The following TTC28 variants were observed in gnomAD, a reference collection of about 807,000 sequenced individuals.
TTC28 encodes the protein tetratricopeptide repeat domain 28.
In TTC28, 61 loss-of-function variants were observed where a neutral mutation model predicts 198.0. The ratio of observed to expected loss-of-function variants is 0.31; its 90% confidence interval spans 0.25 to 0.38. The LOEUF is 0.38. Ranked by LOEUF, TTC28 falls within the 10% of genes least tolerant of loss-of-function variation. TTC28 has a pLI of 1.00. For synonymous variants in TTC28, 1,171 were observed against 1,297.8 expected (o/e 0.90, Z 2.10); for missense variants, 2,678 against 3,164.0 (o/e 0.85, Z 3.69).
intron 5 of TTC28, among the ~76,000 whole-genome samples, chr22:28,206,908 C>T (rs927204293): frequency 6.6e-6 from 1 of 152,076 alleles, no homozygotes; most frequent in African/African-American, 2.4e-5. Flanking sequence ...GTACCTACTC[C>T]GGACGGAATC....
intron 1 of TTC28, among the ~76,000 whole-genome samples, chr22:28,677,421 T>C (rs1421349080): frequency 2.0e-5 from 3 of 151,598 alleles, no homozygotes; most frequent in South Asian, 2.1e-4. Flanking sequence ...ACGAGGCAGG[T>C]GGATCACCAG....
chr22:28,599,744 T>C (rs1207016458), intron 2 of TTC28, among the ~76,000 whole-genome samples: 1 of 152,110 alleles, frequency 6.6e-6, no homozygotes, highest in East Asian at 1.9e-4. Flanking sequence ...CAGTTATGAG[T>C]ATGATGAGGT....
intron 5 of TTC28, among the ~76,000 whole-genome samples, chr22:28,238,138 T>C (rs1929385383): frequency 6.6e-6 from 1 of 152,190 alleles, no homozygotes; most frequent in African/African-American, 2.4e-5. Context: ...TATGTAAATT[T>C]CATATTAGGA....
chr22:28,094,106 G>T lies in TTC28; in HGVS notation c.3906C>A (p.Ala1302=). ...TTGAGTAGTGAGACTCCACCCCCAGGGCCTCCCGGACACTGGCAATGTGCT... is the reference window on the plus strand; with the variant it reads ...TTGAGTAGTGAGACTCCACCCCCAGTGCCTCCCGGACACTGGCAATGTGCT... The part of the protein sequence containing the change: ...LEQHIASVRE[A]LGVESHYSRA... The change falls in exon 12 of 23, where the codon GCC becomes GCA. Residue 1302 remains alanine (A), a synonymous_variant. Transcript: ENST00000397906. 6.5e-7 allele frequency: 1 copy of T among 1,549,934 alleles called. No homozygotes were observed. Among genetic ancestry groups the T allele is most frequent in the South Asian group, 1.2e-5 (1 of 83,720 alleles).
At chr22:28,405,982 TAC>T (rs1391153322) in intron 2 of TTC28, among the ~76,000 whole-genome samples, 8 of 152,272 alleles carry the variant, frequency 5.3e-5, no homozygotes, top group African/African-American at 1.7e-4. Flanking sequence ...GCTGCTGCTA[TAC>T]ACTGTCACTT....
chr22:28,249,022 G>A (rs184197771), intron 5 of TTC28, among the ~76,000 whole-genome samples: 103 of 152,124 alleles, frequency 6.8e-4, no homozygotes, highest in Non-Finnish European at 1.1e-3. Context: ...CAAATCCCTC[G>A]ATTTGTACTG....
chr22:28,339,583 G>C (rs1044063348), intron 2 of TTC28, among the ~76,000 whole-genome samples: 2 of 152,134 alleles, frequency 1.3e-5, no homozygotes, highest in African/African-American at 4.8e-5. Context: ...CTCAAGCCTT[G>C]GCAATGGCGG....
At chr22:28,161,682 G>C (rs965866600) in intron 6 of TTC28, among the ~76,000 whole-genome samples, 1 of 149,996 alleles carries the variant, frequency 6.7e-6, no homozygotes, top group Non-Finnish European at 1.5e-5. Context: ...AGGAAGAAAA[G>C]GAAGGAAAGG....
intron 5 of TTC28, among the ~76,000 whole-genome samples, chr22:28,254,063 C>G (rs1023432180): frequency 6.0e-5 from 9 of 149,830 alleles, no homozygotes; most frequent in African/African-American, 2.2e-4. Flanking sequence ...GAGATAACAC[C>G]ACTGCACTCC....
chr22:28,123,174 C>T (rs1323349672), intron 6 of TTC28, among the ~76,000 whole-genome samples: 5 of 152,154 alleles, frequency 3.3e-5, no homozygotes, highest in Non-Finnish European at 5.9e-5. Context: ...ATCAATGCTT[C>T]CCATCCTTTC....
At chr22:28,458,705 C>G (rs975092014) in intron 2 of TTC28, among the ~76,000 whole-genome samples, 2 of 151,708 alleles carry the variant, frequency 1.3e-5, no homozygotes, top group African/African-American at 4.8e-5. Context: ...CACGGTGAAA[C>G]CCCATCTCTA....
chr22:28,519,296 A>G (rs1266722204), intron 2 of TTC28, among the ~76,000 whole-genome samples: 3 of 152,190 alleles, frequency 2.0e-5, no homozygotes, highest in Non-Finnish European at 2.9e-5. Flanking sequence ...TGGCACTTCA[A>G]TTTTGCTTTG....
intron 1 of TTC28, among the ~76,000 whole-genome samples, chr22:28,663,247 CAA>C (rs527687773): frequency 2.1e-4 from 14 of 65,688 alleles, no homozygotes; most frequent in Admixed American, 1.8e-4. Flanking sequence ...AACTCCGTCT[CAA>C]AAAAAAAAAA....
intron 12 of TTC28, among the ~76,000 whole-genome samples, chr22:28,059,959 T>A (rs1318749766): frequency 6.6e-6 from 1 of 152,064 alleles, no homozygotes; most frequent in Non-Finnish European, 1.5e-5. Context: ...AGATTTTGGT[T>A]CTGCTTTTTA....
At chr22:28,040,244 A>G (rs1017439635) in intron 12 of TTC28, among the ~76,000 whole-genome samples, 7 of 151,652 alleles carry the variant, frequency 4.6e-5, no homozygotes, top group African/African-American at 1.7e-4. Flanking sequence ...TTATGAGGCT[A>G]GCATCATCCT....
chr22:28,415,007 T>C (rs1200199291), intron 2 of TTC28, among the ~76,000 whole-genome samples: 10 of 152,230 alleles, frequency 6.6e-5, no homozygotes, highest in African/African-American at 2.4e-4. Flanking sequence ...GATCTAACAC[T>C]GTATTCTAGT....
intron 5 of TTC28, among the ~76,000 whole-genome samples, chr22:28,281,529 A>G (rs1378758244): frequency 6.6e-6 from 1 of 152,212 alleles, no homozygotes; most frequent in African/African-American, 2.4e-5. Flanking sequence ...AGTAACTTTT[A>G]AAACTCTTTT....
chr22:28,243,220 A>G (rs1283481732), intron 5 of TTC28, among the ~76,000 whole-genome samples: 2 of 138,030 alleles, frequency 1.4e-5, no homozygotes, highest in South Asian at 2.4e-4. Context: ...AAAACTAGCC[A>G]GCCACACTGT....
intron 10 of TTC28, among the ~76,000 whole-genome samples, 182 bp from the exon 11 acceptor site, chr22:28,096,590 C>G (rs536480295): frequency 6.6e-6 from 1 of 152,242 alleles, no homozygotes; most frequent in South Asian, 2.1e-4. Flanking sequence ...GGTGCAGTGT[C>G]CTGCATGACT....
Sources: allele counts gnomAD v4.1 joint callset (sites outside exome capture counted in the v4.1 genomes callset), GRCh38; gene constraint gnomAD v4.1.1; transcripts MANE v1.5; gene names NCBI Gene and HGNC (gene_info 2026-07-23, HGNC 2026-07-21).